The following ZNF385D variants were observed in gnomAD, a reference collection of about 807,000 sequenced individuals.
ZNF385D encodes the protein zinc finger protein 659.
In ZNF385D, 15 loss-of-function variants were observed where a neutral mutation model predicts 35.8. The ratio of observed to expected loss-of-function variants is 0.42; its 90% CI spans 0.28 to 0.64. The LOEUF (loss-of-function observed/expected upper bound fraction) is 0.64. Ranked by LOEUF, ZNF385D falls within the 30% of genes least tolerant of loss-of-function variation. The pLI is 0.23. For missense variants in ZNF385D, 474 were observed against 494.6 expected, an observed-to-expected ratio of 0.96 and a Z score of 0.39; for synonymous variants, 212 against 186.8, an observed-to-expected ratio of 1.13 and a Z score of -1.10.
intron 3 of ZNF385D, among the ~76,000 whole-genome samples, chr3:22,093,751 A>G (rs1701452577): frequency 6.6e-6 from 1 of 152,152 alleles, no homozygotes; most frequent in African/African-American, 2.4e-5. Context: ...TTACAATCAT[A>G]TAATTATTAT....
At chr3:22,307,295 G>C (rs991800060) in intron 2 of ZNF385D, among the ~76,000 whole-genome samples, 4 of 152,122 alleles carry the variant, frequency 2.6e-5, no homozygotes, top group Non-Finnish European at 4.4e-5. Context: ...TGATAGATTA[G>C]AGTCATAATG....
At chr3:22,196,621 A>C (rs1213182477) in intron 2 of ZNF385D, among the ~76,000 whole-genome samples, 1 of 152,002 alleles carries the variant, frequency 6.6e-6, no homozygotes, top group Non-Finnish European at 1.5e-5. Flanking sequence ...ATTAGAGTCC[A>C]TTGCAGATTG....
chr3:21,944,886 T>G (rs1486363), intron 3 of ZNF385D, among the ~76,000 whole-genome samples: 131,531 of 152,062 alleles, frequency 0.86, 57,105 homozygotes, highest in East Asian at 0.98. Flanking sequence ...ACTAGGTCAA[T>G]ACCTTCATCT....
intron 1 of ZNF385D, among the ~76,000 whole-genome samples, chr3:21,723,504 A>G (rs539208358): frequency 6.6e-6 from 1 of 152,330 alleles, no homozygotes; most frequent in East Asian, 1.9e-4. Context: ...TTCGTGAAGC[A>G]TACACAAATA....
intron 3 of ZNF385D, among the ~76,000 whole-genome samples, chr3:21,518,741 T>C (rs1225268598): frequency 3.9e-5 from 6 of 152,204 alleles, no homozygotes; most frequent in Admixed American, 3.3e-4. Context: ...TTGTCTTCTC[T>C]ACTGCTCTAT....
intron 2 of ZNF385D, among the ~76,000 whole-genome samples, chr3:22,198,441 A>T (rs1467320056): frequency 6.6e-6 from 1 of 152,116 alleles, no homozygotes; most frequent in Non-Finnish European, 1.5e-5. Context: ...AGTCTTTTAC[A>T]CATGGGAAAT....
intron 3 of ZNF385D, among the ~76,000 whole-genome samples, chr3:21,537,642 C>T (rs1444090410): frequency 6.6e-6 from 1 of 152,206 alleles, no homozygotes. Flanking sequence ...TTAAATTTCA[C>T]ACCCAAGATC....
intron 2 of ZNF385D, among the ~76,000 whole-genome samples, chr3:22,200,164 T>G (rs1297697696): frequency 6.6e-6 from 1 of 152,040 alleles, no homozygotes; most frequent in African/African-American, 2.4e-5. Context: ...ATAAATTTGA[T>G]TAGGAAATTA....
At chr3:22,089,177 T>A (rs1415172275) in intron 3 of ZNF385D, among the ~76,000 whole-genome samples, 1 of 152,176 alleles carries the variant, frequency 6.6e-6, no homozygotes. Context: ...GATATGCTTT[T>A]AAAAAACTGT....
rs2125324279 is a variant in ZNF385D, at chr3:21,465,094, A to G, written c.440-27891T>C. Among the ~76,000 whole-genome samples the G allele has an allele frequency of 6.6e-6, 1 of 152,318 alleles. No homozygotes were observed. Among genetic ancestry groups the G allele is most frequent in the South Asian group, 2.1e-4 (1 of 4,824 alleles). ...CCAGGTACTTTACATCTTGTTTTCA[A>G]CAGATTTCCAAAGCTGTCTCTGTCT... On this transcript the variant is annotated intron_variant, in intron 4 of 7. Coordinates refer to ENST00000281523, the MANE Select transcript of ZNF385D (RefSeq NM_024697.3). This position sits in a 1 kb window ranked among gnomAD's most constrained non-coding sequence, Gnocchi z 4.2.
chr3:22,232,316 T>G (rs1398557513), intron 2 of ZNF385D, among the ~76,000 whole-genome samples: 3 of 115,540 alleles, frequency 2.6e-5, no homozygotes, highest in African/African-American at 1.8e-4. Context: ...ATTGTATGAT[T>G]ACACCTTTTT....
intron 3 of ZNF385D, among the ~76,000 whole-genome samples, chr3:21,820,968 T>G (rs1238776986): frequency 6.6e-6 from 1 of 151,720 alleles, no homozygotes; most frequent in East Asian, 1.9e-4. Context: ...AAATATTAAT[T>G]ACAAAACCGA....
At chr3:21,678,726 T>C (rs1160475388) in intron 1 of ZNF385D, among the ~76,000 whole-genome samples, 2 of 151,942 alleles carry the variant, frequency 1.3e-5, no homozygotes, top group Non-Finnish European at 2.9e-5. Flanking sequence ...GGGAGAGAAA[T>C]TCTGTAAGAA....
intron 4 of ZNF385D, among the ~76,000 whole-genome samples, chr3:21,459,170 T>C (rs181806726): frequency 8.3e-4 from 126 of 152,256 alleles, no homozygotes; most frequent in Non-Finnish European, 1.5e-3. Flanking sequence ...ATTTAAGTGC[T>C]TTTGGGCTAT....
intron 3 of ZNF385D, among the ~76,000 whole-genome samples, chr3:22,036,737 G>A (rs953004440): frequency 1.4e-5 from 2 of 142,376 alleles, no homozygotes; most frequent in Non-Finnish European, 3.0e-5. Context: ...TATACTCTAA[G>A]TTTTAGGGTA....
chr3:21,516,943 A>G (rs997772552), intron 3 of ZNF385D, among the ~76,000 whole-genome samples: 3 of 152,062 alleles, frequency 2.0e-5, no homozygotes, highest in African/African-American at 7.2e-5. Flanking sequence ...ATTTCAGCCA[A>G]CTGAAATGTT....
At chr3:21,634,038 A>C (rs2065354361) in intron 2 of ZNF385D, among the ~76,000 whole-genome samples, 1 of 151,968 alleles carries the variant, frequency 6.6e-6, no homozygotes, top group African/African-American at 2.4e-5. Flanking sequence ...CTCTGCAAAA[A>C]ATACAAAAAA....
intron 2 of ZNF385D, among the ~76,000 whole-genome samples, chr3:22,344,138 T>G (rs1454241544): frequency 1.3e-5 from 2 of 151,490 alleles, no homozygotes; most frequent in Non-Finnish European, 2.9e-5. Flanking sequence ...CTCTTGTGTT[T>G]TGAAGAATTT....
intron 3 of ZNF385D, among the ~76,000 whole-genome samples, chr3:22,132,170 G>A (rs1316847252): frequency 2.6e-5 from 4 of 152,074 alleles, no homozygotes; most frequent in African/African-American, 4.8e-5. Context: ...CTGTGGTGAT[G>A]GTATTTGGAG....
Sources: allele counts gnomAD v4.1 joint callset (sites outside exome capture counted in the v4.1 genomes callset), GRCh38; gene constraint gnomAD v4.1.1; non-coding constraint Gnocchi (gnomAD v3.1); transcripts MANE v1.5; gene names NCBI Gene and HGNC (gene_info 2026-07-23, HGNC 2026-07-21).